SPOP: variants seen among roughly 807,000 people sequenced by gnomAD.
SPOP encodes the protein speckle-type POZ protein.
A neutral mutation model predicts 45.6 loss-of-function variants in SPOP; 11 were observed. The ratio of observed to expected loss-of-function variants is 0.24; its 90% CI spans 0.15 to 0.40. The LOEUF is 0.40. SPOP is among the 10% of genes least tolerant of loss of function. The pLI, the probability that SPOP is intolerant of heterozygous loss-of-function variation, is 1.00. For synonymous variants in SPOP, 166 were observed against 166.3 expected, an observed-to-expected ratio of 1.00 and a Z score of 0.01; for missense variants, 152 against 465.6, an observed-to-expected ratio of 0.33 and a Z score of 6.20.
intron 1 of SPOP, among the ~76,000 whole-genome samples, chr17:49,674,278 G>A (rs1004665516): frequency 1.3e-5 from 2 of 152,192 alleles, no homozygotes; most frequent in Non-Finnish European, 2.9e-5. Context: ...GAGTAGAATT[G>A]CTATTAGTTC....
chr17:49,664,013 C>T (rs2073021467), intron 1 of SPOP, among the ~76,000 whole-genome samples: 1 of 152,176 alleles, frequency 6.6e-6, no homozygotes, highest in African/African-American at 2.4e-5. Flanking sequence ...ACTCAATTAA[C>T]AAGTATTTCC....
chr17:49,661,868 C>A (rs1218100555), intron 1 of SPOP, among the ~76,000 whole-genome samples: 1 of 152,002 alleles, frequency 6.6e-6, no homozygotes, highest in Non-Finnish European at 1.5e-5. Context: ...ACAAAATTAG[C>A]CGGGCATTGT....
rs146269499 is a variant in SPOP at position 49,665,386 on chromosome 17, G to A, written c.-67+12547C>T. On this transcript the variant is annotated intron_variant, in intron 1 of 9. Coordinates refer to ENST00000504102, the MANE Select transcript of SPOP (RefSeq NM_001007228.2). Reference sequence around the variant, plus strand: ...TCCCAGCACTTTGGGAGGCCAAGGCGGGCGGATCATGAGGTCAGGAGATCA... The same window carrying A: ...TCCCAGCACTTTGGGAGGCCAAGGCAGGCGGATCATGAGGTCAGGAGATCA... Among the ~76,000 whole-genome samples, 1,470 of 152,044 alleles carry A rather than the reference G, an allele frequency of 9.7e-3. 14 individuals are homozygous for A. The highest frequency in any genetic ancestry group is 0.014 in the Middle Eastern group (4 of 292).
chr17:49,627,861 T>C (rs1038945731), intron 1 of SPOP, among the ~76,000 whole-genome samples: 2 of 152,200 alleles, frequency 1.3e-5, no homozygotes, highest in African/African-American at 4.8e-5. Context: ...CCAGCAGAAC[T>C]GGAGAATCTG....
chr17:49,606,556 C>G (rs968189273), intron 8 of SPOP, among the ~76,000 whole-genome samples: 2 of 143,116 alleles, frequency 1.4e-5, no homozygotes, highest in African/African-American at 5.2e-5. Context: ...TGGAGTGGCA[C>G]GATCTCAGCT....
chr17:49,661,738 G>A (rs1403246243), intron 1 of SPOP, among the ~76,000 whole-genome samples: 1 of 152,188 alleles, frequency 6.6e-6, no homozygotes, highest in East Asian at 1.9e-4. Context: ...TTAAGGCCGG[G>A]TGCGGTGGCT....
intron 1 of SPOP, among the ~76,000 whole-genome samples, chr17:49,639,800 G>A (rs910668214): frequency 1.2e-4 from 18 of 152,136 alleles, no homozygotes; most frequent in African/African-American, 2.4e-4. Context: ...AATGGTATAC[G>A]TTATGATCTA....
At chr17:49,645,951 T>C (rs942104576) in intron 1 of SPOP, among the ~76,000 whole-genome samples, 1 of 152,108 alleles carries the variant, frequency 6.6e-6, no homozygotes, top group Non-Finnish European at 1.5e-5. Context: ...TATTTATATT[T>C]TTCACTTCTT....
intron 1 of SPOP, among the ~76,000 whole-genome samples, chr17:49,661,158 T>A (rs1455835476): frequency 6.6e-6 from 1 of 152,126 alleles, no homozygotes; most frequent in Non-Finnish European, 1.5e-5. Flanking sequence ...AGTTAATAAA[T>A]CAGTAACAAA....
At chr17:49,655,511 CAAA>C (rs912580849) in intron 1 of SPOP, among the ~76,000 whole-genome samples, 1 of 122,026 alleles carries the variant, frequency 8.2e-6, no homozygotes. Context: ...ACTCCGTCTC[CAAA>C]AAAAAAAAAG....
chr17:49,638,784 A>G (rs1250554969), intron 1 of SPOP, among the ~76,000 whole-genome samples: 1 of 152,156 alleles, frequency 6.6e-6, no homozygotes, highest in Admixed American at 6.6e-5. Flanking sequence ...ATACCATAAA[A>G]TAAATTCACC....
At chr17:49,611,637 ACAAT>A (rs1280067507) in intron 5 of SPOP, among the ~76,000 whole-genome samples, 180 bp from the exon 6 acceptor site, 3 of 152,170 alleles carry the variant, frequency 2.0e-5, no homozygotes, top group Non-Finnish European at 4.4e-5. Flanking sequence ...CTTTTCTGTC[ACAAT>A]CAGACTTATT....
rs557490198 is a variant in SPOP at position 49,613,466 on chromosome 17, A to G, written c.481-2009T>C. Among the ~76,000 whole-genome samples, 68 of 152,274 alleles carry G rather than the reference A, an allele frequency of 4.5e-4. No homozygotes were observed. The South Asian group carries it at 0.014, about 32-fold the overall frequency. ...ATGGCAATTTAGTAGACTGGGTGAA[A>G]TGAATTGGCAAGAAGAGCTAAACTG... On this transcript the variant is annotated intron_variant, in intron 5 of 9. Coordinates refer to ENST00000504102, the MANE Select transcript of SPOP (RefSeq NM_001007228.2).
chr17:49,670,618 A>G (rs1328044372), intron 1 of SPOP, among the ~76,000 whole-genome samples: 2 of 152,174 alleles, frequency 1.3e-5, no homozygotes, highest in Non-Finnish European at 2.9e-5. Context: ...TCCGAAACCC[A>G]CTTTAGAATG....
At chr17:49,618,379 C>A (rs370295249) in intron 5 of SPOP, 6 of 348,898 alleles carry the variant, frequency 1.7e-5, no homozygotes, top group Admixed American at 8.1e-5. Context: ...CTCCTGTAAA[C>A]CTGGGAAAAG....
chr17:49,643,259 G>T lies in SPOP; in HGVS notation c.-66-20383C>A, dbSNP rs148538045. ...ACAGTTTTCATTTGTAACACTTCAGGATTCCAAGTGCTCAAAGCTCTGAAT... is the reference window on the plus strand; with the variant it reads ...ACAGTTTTCATTTGTAACACTTCAGTATTCCAAGTGCTCAAAGCTCTGAAT... On this transcript the variant is annotated intron_variant, in intron 1 of 9. Transcript: ENST00000504102. Among the ~76,000 whole-genome samples the T allele has an allele frequency of 1.3e-3, 197 of 152,286 alleles. 5 individuals carry two copies. The East Asian group carries it at 0.034, about 26-fold the overall frequency.
chr17:49,660,103 A>G (rs984234511), intron 1 of SPOP, among the ~76,000 whole-genome samples: 2 of 152,386 alleles, frequency 1.3e-5, no homozygotes, highest in Admixed American at 1.3e-4. Context: ...AAAGTTCCCC[A>G]GGTGATTCTA....
chr17:49,665,005 T>C (rs2073034738), intron 1 of SPOP, among the ~76,000 whole-genome samples: 1 of 152,202 alleles, frequency 6.6e-6, no homozygotes, highest in South Asian at 2.1e-4. Context: ...CTCTTTTATA[T>C]GAACTGGTTT....
At chr17:49,606,408 G>A (rs1333035248) in intron 8 of SPOP, among the ~76,000 whole-genome samples, 1 of 151,560 alleles carries the variant, frequency 6.6e-6, no homozygotes, top group Non-Finnish European at 1.5e-5. Context: ...CTTCCTCCTT[G>A]GCCTCCCCAA....
Sources: gnomAD v4.1 joint callset for allele counts (sites outside exome capture counted in the v4.1 genomes callset) on GRCh38, gnomAD v4.1.1 for gene constraint, MANE v1.5 for transcripts, NCBI Gene and HGNC (gene_info 2026-07-23, HGNC 2026-07-21) for gene names.